Variants in LAMB4 observed in about 807,000 individuals in gnomAD.
The protein encoded by LAMB4 is laminin subunit beta-4.
Under a neutral mutation model 199.2 loss-of-function variants are expected in LAMB4, and 196 were observed. That is an observed-to-expected ratio of 0.98 (90% CI 0.88 to 1.11). The LOEUF is 1.11. LAMB4 is among the 50% of genes least tolerant of loss of function. The probability of loss-of-function intolerance (pLI) is 0.00; values close to 1 mark genes in which losing one functional copy is unlikely to be tolerated. For missense variants in LAMB4, 2,080 were observed against 2,171.2 expected, an observed-to-expected ratio of 0.96 and a Z score of 0.83; for synonymous variants, 744 against 770.6, an observed-to-expected ratio of 0.97 and a Z score of 0.57.
chr7:108,023,950 G>C lies in LAMB4; in HGVS notation c.*89C>G. The C allele has an allele frequency of 9.2e-7, 1 of 1,092,672 alleles. No homozygotes were observed. The highest frequency in any genetic ancestry group is 2.6e-5 in the East Asian group (1 of 38,000). 67.7% of individuals were successfully genotyped at this position (1,092,672 alleles called of 1,614,324 possible). On this transcript the variant is annotated 3_prime_UTR_variant, in exon 34 of 34. Transcript: ENST00000388781. ...GTGGGGAAGGAAGGTAGAAGACATT[G>C]TCAGTATTTCACAGGTTCAACAGAG... is the stretch of plus-strand genomic sequence containing the variant.
intron 4 of LAMB4, among the ~76,000 whole-genome samples, chr7:108,110,925 T>C (rs1222223754): frequency 6.6e-6 from 1 of 151,542 alleles, no homozygotes; most frequent in Admixed American, 6.6e-5. Context: ...TAAACTATCT[T>C]ATATATTATG....
intron 1 of LAMB4, among the ~76,000 whole-genome samples, chr7:108,128,691 C>T (rs543849639): frequency 6.6e-6 from 1 of 152,322 alleles, no homozygotes; most frequent in African/African-American, 2.4e-5. Flanking sequence ...GCTGCACATA[C>T]AGCGCAATAT....
intron 28 of LAMB4, among the ~76,000 whole-genome samples, chr7:108,045,794 A>T (rs1429220701): frequency 6.6e-6 from 1 of 152,250 alleles, no homozygotes; most frequent in Non-Finnish European, 1.5e-5. Flanking sequence ...TTGTTAAAGC[A>T]ATGAAGAACG....
At chr7:108,034,773 A>G (rs1463429789) in intron 30 of LAMB4, among the ~76,000 whole-genome samples, 1 of 152,242 alleles carries the variant, frequency 6.6e-6, no homozygotes, top group East Asian at 1.9e-4. Flanking sequence ...CAGGCCCTGC[A>G]TTTTTAGGCT....
chr7:108,034,530 TAAAA>T (rs550193850), intron 30 of LAMB4, among the ~76,000 whole-genome samples, 184 bp from the exon 31 acceptor site: 59 of 151,986 alleles, frequency 3.9e-4, no homozygotes, highest in African/African-American at 1.4e-3. Context: ...TAAATGCCAA[TAAAA>T]AAAACCCCAC....
intron 9 of LAMB4, among the ~76,000 whole-genome samples, 190 bp from the exon 10 acceptor site, chr7:108,103,422 C>T (rs907991853): frequency 9.2e-5 from 14 of 152,228 alleles, no homozygotes; most frequent in African/African-American, 3.4e-4. Context: ...CACTCTGATT[C>T]TGCTCCTACG....
intron 15 of LAMB4, 55 bp downstream of exon 15, chr7:108,079,546 C>A: frequency 7.1e-7 from 1 of 1,406,184 alleles, no homozygotes; most frequent in East Asian, 2.3e-5. Flanking sequence ...GGAAACAGTT[C>A]AAGAATGTAT....
At chr7:108,067,766 G>A (rs535825620) in intron 19 of LAMB4, among the ~76,000 whole-genome samples, 14 of 152,298 alleles carry the variant, frequency 9.2e-5, no homozygotes, top group African/African-American at 3.4e-4. Flanking sequence ...ACTTCCAGAG[G>A]CATGGACTAT....
At chr7:108,102,071 A>G (rs937753686) in intron 10 of LAMB4, among the ~76,000 whole-genome samples, 2 of 152,132 alleles carry the variant, frequency 1.3e-5, no homozygotes, top group Non-Finnish European at 2.9e-5. Context: ...TGAAGTCCAT[A>G]CTCCATGGCC....
In LAMB4 at chr7:108,066,462, G is replaced by A. The variant is rs1229266690; in HGVS notation, c.2585C>T (p.Pro862Leu). The A allele has an allele frequency of 6.2e-7, 1 of 1,614,226 alleles. No individual in the cohort carries two copies. Among genetic ancestry groups the A allele is most frequent in the Admixed American group, 1.7e-5 (1 of 60,024 alleles). ...AGYFGFPSCH[P>L]CPCNRFAELC... ...TTCAGCAAACCTATTACAAGGGCAA[G>A]GGTGGCAGCTGGGAAATCCAAAGTA... Residue 862 changes from proline to leucine, a missense_variant, in exon 20 of 34, where the codon CCT (proline) becomes CTT (leucine). Transcript: ENST00000388781.
At chr7:108,099,699 T>C (rs2037751552) in intron 10 of LAMB4, among the ~76,000 whole-genome samples, 1 of 152,208 alleles carries the variant, frequency 6.6e-6, no homozygotes, top group African/African-American at 2.4e-5. Flanking sequence ...CACATTCACA[T>C]TTATACATGC....
chr7:108,043,659 A>G, intron 29 of LAMB4, 93 bp downstream of exon 29: 1 of 476,406 alleles, frequency 2.1e-6, no homozygotes, highest in Non-Finnish European at 3.0e-6. Context: ...GGCTCACTGC[A>G]AGCTCCGCCT....
In LAMB4 at chr7:108,054,226, C is replaced by T. The variant is rs544337123; in HGVS notation, c.3755+1406G>A. On this transcript the variant is annotated intron_variant, in intron 25 of 33. Transcript: ENST00000388781. Reference sequence around the variant, plus strand: ...GTGCTGGGATTACAGGGGAAAGCCACTGTGCCCAGCCCAGAAGTCTTTAGA... The same window carrying T: ...GTGCTGGGATTACAGGGGAAAGCCATTGTGCCCAGCCCAGAAGTCTTTAGA... Among the ~76,000 whole-genome samples, 3 of 152,274 alleles carry T rather than the reference C, an allele frequency of 2.0e-5. No homozygotes were observed. In the South Asian group the frequency reaches 6.2e-4, roughly 32 times the overall value.
intron 1 of LAMB4, among the ~76,000 whole-genome samples, chr7:108,126,758 C>T (rs911842734): frequency 3.6e-4 from 54 of 149,444 alleles, no homozygotes; most frequent in Non-Finnish European, 3.0e-5. Context: ...TTAGTAGAGA[C>T]GGGGTTTCAC....
Position 108,107,663 on chromosome 7 carries a change from A to G in LAMB4, c.559T>C (p.Tyr187His), listed in dbSNP as rs758761422. 6 of 1,611,732 alleles carry G rather than the reference A, an allele frequency of 3.7e-6. No homozygotes were observed. In the Admixed American group the frequency reaches 1.0e-4, roughly 27 times the overall value. The change falls in exon 6 of 34, where the codon TAC (tyrosine) becomes CAC (histidine). Residue 187 changes from tyrosine to histidine, a missense_variant. Physicochemically the swap from Tyr to His is moderately conservative, Grantham distance 83. Coordinates refer to ENST00000388781, the MANE Select transcript of LAMB4 (RefSeq NM_007356.3). ...CCTGTTGAGGGTTCAATATCCGAGTATTTGGAGTCACAAACAATGTCTCCC... is the reference window on the plus strand; with the variant it reads ...CCTGTTGAGGGTTCAATATCCGAGTGTTTGGAGTCACAAACAATGTCTCCC... The part of the protein sequence containing the change: ...GVGDIVCDSK[Y>H]SDIEPSTGGE...
At chr7:108,111,453 C>T (rs1446703205) in intron 4 of LAMB4, among the ~76,000 whole-genome samples, 1 of 152,202 alleles carries the variant, frequency 6.6e-6, no homozygotes, top group African/African-American at 2.4e-5. Flanking sequence ...TGGCATTATT[C>T]ATTCAGTTTA....
At chr7:108,117,238 A>G (rs938993212) in intron 2 of LAMB4, among the ~76,000 whole-genome samples, 2 of 152,204 alleles carry the variant, frequency 1.3e-5, no homozygotes, top group African/African-American at 2.4e-5. Flanking sequence ...ACGTTTGAGA[A>G]CTATCAAGTT....
intron 3 of LAMB4, among the ~76,000 whole-genome samples, chr7:108,114,662 G>A (rs1365444760): frequency 6.6e-6 from 1 of 152,190 alleles, no homozygotes; most frequent in East Asian, 1.9e-4. Context: ...TGAATACAAA[G>A]CATTTCCCAG....
At chr7:108,062,493 G>A (rs2036197282) in intron 23 of LAMB4, 1 of 241,818 alleles carries the variant, frequency 4.1e-6, no homozygotes, top group Admixed American at 5.6e-5. Flanking sequence ...ATGAAATAGT[G>A]AAAGGTGAGG....
Sources: allele counts gnomAD v4.1 joint callset (sites outside exome capture counted in the v4.1 genomes callset), GRCh38; gene constraint gnomAD v4.1.1; transcripts MANE v1.5; gene names NCBI Gene and HGNC (gene_info 2026-07-23, HGNC 2026-07-21).